The following AXIN1 variants were observed in gnomAD, a reference collection of about 807,000 sequenced individuals.
The protein encoded by AXIN1 is axin 1, also known as axin-1.
AXIN1 carries 30 observed loss-of-function variants against 76.4 expected under a neutral mutation model. That is an observed-to-expected ratio of 0.39 (90% CI 0.29 to 0.53). The LOEUF (loss-of-function observed/expected upper bound fraction) is 0.53. Among genes scored for constraint, AXIN1 ranks in the 20% least tolerant of loss-of-function variants. The probability of loss-of-function intolerance (pLI) is 0.66; values close to 1 mark genes in which losing one functional copy is unlikely to be tolerated. For synonymous variants in AXIN1, 545 were observed against 501.4 expected (o/e 1.09, Z -1.16); for missense variants, 1,140 against 1,198.8 (o/e 0.95, Z 0.72).
At chr16:294,031 G>C (rs2052641830) in intron 7 of AXIN1, among the ~76,000 whole-genome samples, 1 of 152,132 alleles carries the variant, frequency 6.6e-6, no homozygotes, top group African/African-American at 2.4e-5. Context: ...AAATTAGCTG[G>C]GCGCCTGTCA....
Position 352,441 on chromosome 16 carries a change from AGCGGCAGC to A in AXIN1, c.-162_-155del. 1 of 973,812 alleles carries A rather than the reference AGCGGCAGC, an allele frequency of 1.0e-6. No individual in the cohort carries two copies. The highest frequency in any genetic ancestry group is 1.2e-6 in the Non-Finnish European group (1 of 823,040). The allele number at this position is 973,812 out of a possible 1,614,324, so 60.3% of individuals were successfully genotyped here. ...CGGCGCGGTCCGGGCCCATGCGCTC[AGCGGCAGC>A]GCGGCGGGCGGGACCCGGCGGGGGC... On this transcript the variant is annotated 5_prime_UTR_variant, in exon 1 of 11. The change abolishes the stop of an existing upstream ORF in the 5' untranslated region. Transcript: ENST00000262320.
chr16:324,346 C>T (rs578015002), intron 2 of AXIN1, among the ~76,000 whole-genome samples: 62 of 152,150 alleles, frequency 4.1e-4, no homozygotes, highest in African/African-American at 1.3e-3. Flanking sequence ...GGCTGGGGGC[C>T]GGAATGCGGG....
At chr16:342,492 C>G (rs1203131567) in intron 2 of AXIN1, among the ~76,000 whole-genome samples, 3 of 152,202 alleles carry the variant, frequency 2.0e-5, no homozygotes, top group African/African-American at 7.2e-5. Context: ...GCCGCCTGTT[C>G]AGTACCCACT....
chr16:332,360 G>C lies in AXIN1; in HGVS notation c.878+13788C>G, dbSNP rs1439495238. Among the ~76,000 whole-genome samples the C allele has an allele frequency of 1.3e-5, 2 of 151,894 alleles. 1 individual carries two copies. Among genetic ancestry groups the C allele is most frequent in the African/African-American group, 4.8e-5 (2 of 41,324 alleles). Reference sequence around the variant, plus strand: ...TGGGAGGCCAAGGCGGGCGGATCACGAGATCAGGAGATGGAGACCATCCTG... The same window carrying C: ...TGGGAGGCCAAGGCGGGCGGATCACCAGATCAGGAGATGGAGACCATCCTG... On this transcript the variant is annotated intron_variant, in intron 2 of 10. Transcript: ENST00000262320.
intron 2 of AXIN1, 113 bp from the exon 3 acceptor site, chr16:314,796 A>C: frequency 6.8e-7 from 1 of 1,475,858 alleles, no homozygotes; most frequent in Non-Finnish European, 9.2e-7. Context: ...AACACAAGCA[A>C]TTTGGAGAAA....
chr16:298,559 G>A (rs2052784013), intron 5 of AXIN1, among the ~76,000 whole-genome samples: 1 of 152,218 alleles, frequency 6.6e-6, no homozygotes, highest in South Asian at 2.1e-4. Flanking sequence ...CCAGGCTGGA[G>A]AACAGTGGTG....
chr16:288,416 A>G (rs2052449673), intron 10 of AXIN1, 168 bp from the exon 11 acceptor site: 2 of 991,116 alleles, frequency 2.0e-6, no homozygotes, highest in Non-Finnish European at 1.5e-6. Flanking sequence ...GAACAGTGCA[A>G]TGACCACATG....
chr16:301,206 G>C (rs1050244587), intron 5 of AXIN1, among the ~76,000 whole-genome samples: 13 of 151,820 alleles, frequency 8.6e-5, no homozygotes, highest in African/African-American at 2.9e-4. Flanking sequence ...GGGAGGCAGA[G>C]CTTGCAGTGA....
chr16:305,597 G>A (rs1033995953), intron 4 of AXIN1, among the ~76,000 whole-genome samples: 4 of 152,128 alleles, frequency 2.6e-5, no homozygotes, highest in Admixed American at 6.5e-5. Context: ...AGGCTGGAGT[G>A]TAGTGGCGCG....
Position 297,200 on chromosome 16 carries a change from C to A in AXIN1, c.1811G>T (p.Arg604Ile). ...CCCCGACTCAGCCTTCTTGGCATTT[C>A]TTTTGCACGCCACGCCCACCTTCCC... is the stretch of plus-strand genomic sequence containing the variant. ...HSGKVGVACK[R>I]NAKKAESGKS... Residue 604 changes from arginine to isoleucine, a missense_variant, in exon 7 of 11, where the codon AGA becomes ATA. By Grantham distance (97) the Arg-to-Ile change is moderately conservative. Coordinates refer to ENST00000262320, the MANE Select transcript of AXIN1 (RefSeq NM_003502.4). 1 of 1,608,668 alleles carries A rather than the reference C, an allele frequency of 6.2e-7. No individual in the cohort carries two copies. Among genetic ancestry groups the A allele is most frequent in the South Asian group, 1.1e-5 (1 of 91,088 alleles).
intron 2 of AXIN1, among the ~76,000 whole-genome samples, chr16:320,111 C>T (rs892947883): frequency 6.6e-6 from 1 of 152,186 alleles, no homozygotes. Flanking sequence ...CACTCACAAG[C>T]AACGCATTTC....
At position 304,343 on chromosome 16, in the gene AXIN1, G is replaced by T. The variant is rs200888076; in HGVS notation, c.1215C>A (p.Ala405=). 6.2e-7 allele frequency: 1 copy of T among 1,612,454 alleles called. No homozygotes were observed. The highest frequency in any genetic ancestry group is 1.7e-5 in the Admixed American group (1 of 60,008). ...TCAGCCGCTCCTCCAGCTTCTCCTC[G>T]GCCTCCCGCGTGCGCTGCACAGCCT... is the stretch of plus-strand genomic sequence containing the variant. ...RLEAVQRTRE[A]EEKLEERLKR... The change falls in exon 5 of 11, where the codon GCC becomes GCA. Residue 405 remains alanine (A), a synonymous_variant. Transcript: ENST00000262320.
At chr16:322,201 G>A (rs1304405142) in intron 2 of AXIN1, among the ~76,000 whole-genome samples, 1 of 152,236 alleles carries the variant, frequency 6.6e-6, no homozygotes, top group Non-Finnish European at 1.5e-5. Flanking sequence ...CTGGCTCAGG[G>A]CAGGGTGGCT....
chr16:301,643 A>T (rs531179510), intron 5 of AXIN1, among the ~76,000 whole-genome samples: 29 of 152,264 alleles, frequency 1.9e-4, no homozygotes, highest in South Asian at 4.1e-4. Context: ...TATTTTTTTT[A>T]AAAAATGTCT....
rs1033765948 is a variant in AXIN1, at chr16:346,555, G to C, written c.471C>G (p.Ser157=). ...TCTTGGTGGCTGGCTTGGTCTGCCGGGACACGATGCCATTGTTATCAAGAA... is the reference window on the plus strand; with the variant it reads ...TCTTGGTGGCTGGCTTGGTCTGCCGCGACACGATGCCATTGTTATCAAGAA... ...KYILDNNGIV[S]RQTKPATKSF... Residue 157 remains serine (S), a synonymous_variant, in exon 2 of 11, where the codon TCC becomes TCG. Coordinates refer to ENST00000262320, the MANE Select transcript of AXIN1 (RefSeq NM_003502.4). 5 of 1,613,886 alleles carry C rather than the reference G, an allele frequency of 3.1e-6. No homozygotes were observed. The highest frequency in any genetic ancestry group is 4.2e-6 in the Non-Finnish European group (5 of 1,179,862).
chr16:321,387 G>A (rs536432973), intron 2 of AXIN1, among the ~76,000 whole-genome samples: 1 of 152,328 alleles, frequency 6.6e-6, no homozygotes, highest in East Asian at 1.9e-4. Flanking sequence ...CATAGCACGT[G>A]CCCCACCCCG....
intron 2 of AXIN1, among the ~76,000 whole-genome samples, chr16:322,957 G>A (rs554461256): frequency 1.3e-3 from 198 of 152,260 alleles, no homozygotes; most frequent in Non-Finnish European, 1.9e-3. Flanking sequence ...GGCAGGGAGC[G>A]GTCACCTGGC....
At chr16:328,714 A>T (rs1321468030) in intron 2 of AXIN1, among the ~76,000 whole-genome samples, 1 of 152,118 alleles carries the variant, frequency 6.6e-6, no homozygotes, top group Non-Finnish European at 1.5e-5. Flanking sequence ...ATAATAATAA[A>T]TTAAATACTT....
In AXIN1 at chr16:297,986, C is replaced by T. The variant is rs145333811; in HGVS notation, c.1520G>A (p.Gly507Glu). ...CTTCCCGTGCCCCGAGGCGGCACCC[C>T]CCAGTGCCACTGGCATCTTGGCCAC... ...GHVAKMPVALGGAASGHGKHV... is the reference protein window; with the variant it reads ...GHVAKMPVALEGAASGHGKHV... Residue 507 changes from glycine (G) to glutamate (E), a missense_variant, in exon 6 of 11, where the codon GGG becomes GAG. Physicochemically the swap from Gly to Glu is moderately conservative, Grantham distance 98 (BLOSUM62 -2). Transcript: ENST00000262320. The T allele has an allele frequency of 6.2e-7, 1 of 1,601,582 alleles. No homozygotes were observed. The highest frequency in any genetic ancestry group is 8.5e-7 in the Non-Finnish European group (1 of 1,178,422).
Sources: allele counts gnomAD v4.1 joint callset (sites outside exome capture counted in the v4.1 genomes callset), GRCh38; gene constraint gnomAD v4.1.1; transcripts MANE v1.5; gene names NCBI Gene and HGNC (gene_info 2026-07-23, HGNC 2026-07-21).